PHF24: variants seen among roughly 807,000 people sequenced by gnomAD.
PHF24 encodes the protein Galpha inhibitory interacting protein.
PHF24 carries 25 observed loss-of-function variants against 42.6 expected under a neutral mutation model. The observed-to-expected ratio is 0.59, with a 90% CI of 0.43 to 0.82. PHF24 has a LOEUF of 0.82. PHF24 is among the 40% of genes least tolerant of loss of function. PHF24 has a pLI of 0.00. For synonymous variants in PHF24, 185 were observed against 204.8 expected, an observed-to-expected ratio of 0.90 and a Z score of 0.83; for missense variants, 470 against 538.1, an observed-to-expected ratio of 0.87 and a Z score of 1.25.
the PHF24 span, among the ~76,000 whole-genome samples, chr9:34,856,693 C>A: frequency 6.6e-6 from 1 of 152,176 alleles, no homozygotes; most frequent in African/African-American, 2.4e-5. Flanking sequence ...CTAATGCCAG[C>A]CAGAATGCTC....
chr9:34,795,832 A>G, the PHF24 span, among the ~76,000 whole-genome samples: 3 of 152,068 alleles, frequency 2.0e-5, no homozygotes, highest in African/African-American at 7.2e-5. Flanking sequence ...TCCCATCTCT[A>G]CAAAAAATAA....
chr9:34,671,853 A>T, the PHF24 span, among the ~76,000 whole-genome samples: 184 of 149,894 alleles, frequency 1.2e-3, no homozygotes, highest in African/African-American at 4.0e-3. Flanking sequence ...CCATCCATCC[A>T]TGTGTCTATA....
chr9:34,792,630 C>A, the PHF24 span, among the ~76,000 whole-genome samples: 1 of 151,944 alleles, frequency 6.6e-6, no homozygotes, highest in Middle Eastern at 3.4e-3. Context: ...AAGATTGCAG[C>A]ACCATTGCAC....
chr9:34,719,383 C>A, the PHF24 span, among the ~76,000 whole-genome samples: 1 of 152,164 alleles, frequency 6.6e-6, no homozygotes, highest in African/African-American at 2.4e-5. Context: ...GTGAATTTTG[C>A]TTCTTGCCTC....
the PHF24 span, among the ~76,000 whole-genome samples, chr9:34,924,767 A>T: frequency 6.6e-6 from 1 of 152,148 alleles, no homozygotes; most frequent in African/African-American, 2.4e-5. Context: ...TAGTCCATTT[A>T]CATTCAATGT....
At chr9:34,699,975 G>A in the PHF24 span, among the ~76,000 whole-genome samples, 1 of 152,212 alleles carries the variant, frequency 6.6e-6, no homozygotes, top group Non-Finnish European at 1.5e-5. Flanking sequence ...AGGCAGTCAG[G>A]AAAACCTTTA....
the PHF24 span, among the ~76,000 whole-genome samples, chr9:34,742,812 T>C: frequency 6.6e-6 from 1 of 152,172 alleles, no homozygotes; most frequent in Non-Finnish European, 1.5e-5. Flanking sequence ...CATTTTAAAA[T>C]AGTCACACTT....
chr9:34,702,003 C>T, the PHF24 span, among the ~76,000 whole-genome samples: 1 of 152,178 alleles, frequency 6.6e-6, no homozygotes, highest in African/African-American at 2.4e-5. Flanking sequence ...AGATATCTTA[C>T]ACCACTCATT....
the PHF24 span, among the ~76,000 whole-genome samples, chr9:34,740,399 C>T: frequency 6.6e-6 from 1 of 152,230 alleles, no homozygotes; most frequent in African/African-American, 2.4e-5. Flanking sequence ...GCAGCTAAGG[C>T]CAGGCAAGAA....
At chr9:34,710,661 G>A in the PHF24 span, among the ~76,000 whole-genome samples, 3 of 150,744 alleles carry the variant, frequency 2.0e-5, no homozygotes, top group South Asian at 2.1e-4. Flanking sequence ...TTGTAGAGAC[G>A]AGGTTTCACG....
chr9:34,821,447 G>A, the PHF24 span, among the ~76,000 whole-genome samples: 18 of 152,092 alleles, frequency 1.2e-4, no homozygotes, highest in African/African-American at 4.3e-4. Context: ...TATGTTTATG[G>A]TTATGATGGG....
chr9:34,799,299 A>G, the PHF24 span, among the ~76,000 whole-genome samples: 1 of 152,274 alleles, frequency 6.6e-6, no homozygotes, highest in East Asian at 1.9e-4. Flanking sequence ...AAACCATATA[A>G]CATTGGGCGA....
chr9:34,837,792 C>A, the PHF24 span: 96 of 806,372 alleles, frequency 1.2e-4, no homozygotes, highest in Non-Finnish European at 1.9e-4. Context: ...CACTCCCTTT[C>A]TATATATCTA....
chr9:34,812,204 C>G, the PHF24 span, among the ~76,000 whole-genome samples: 1 of 151,842 alleles, frequency 6.6e-6, no homozygotes, highest in Non-Finnish European at 1.5e-5. Flanking sequence ...AGACCCAGCC[C>G]CAATTAAAAC....
the PHF24 span, among the ~76,000 whole-genome samples, chr9:34,727,823 C>T: frequency 6.6e-6 from 1 of 152,174 alleles, no homozygotes; most frequent in Middle Eastern, 3.2e-3. Flanking sequence ...TAGCACAGAA[C>T]TGAACTGGGC....
chr9:34,919,691 TAC>T, the PHF24 span, among the ~76,000 whole-genome samples: 4 of 148,206 alleles, frequency 2.7e-5, no homozygotes, highest in Non-Finnish European at 6.0e-5. Context: ...ACCCAGTAAT[TAC>T]ACACACACAC....
chr9:34,942,045 T>C, the PHF24 span, among the ~76,000 whole-genome samples: 1 of 152,196 alleles, frequency 6.6e-6, no homozygotes, highest in South Asian at 2.1e-4. Context: ...GAAGCAGCAG[T>C]AGCCAGACTT....
the PHF24 span, chr9:34,725,889 A>G: frequency 2.6e-6 from 4 of 1,552,128 alleles, no homozygotes; most frequent in South Asian, 3.6e-5. Flanking sequence ...AGGCCTTGAG[A>G]TCCCATGAAA....
the PHF24 span, among the ~76,000 whole-genome samples, chr9:34,776,207 A>C: frequency 6.6e-6 from 1 of 152,222 alleles, no homozygotes; most frequent in Non-Finnish European, 1.5e-5. Flanking sequence ...TAAAAATCAT[A>C]GAATTGTATA....
Sources: allele counts gnomAD v4.1 joint callset (sites outside exome capture counted in the v4.1 genomes callset), GRCh38; gene constraint gnomAD v4.1.1; transcripts MANE v1.5; gene names NCBI Gene and HGNC (gene_info 2026-07-23, HGNC 2026-07-21).